IGF2BP3: variants seen among roughly 807,000 people sequenced by gnomAD.
IGF2BP3 encodes insulin like growth factor 2 mRNA binding protein 3.
Under a neutral mutation model 73.8 loss-of-function variants are expected in IGF2BP3, and 9 were observed. The observed-to-expected ratio is 0.12, with a 90% CI of 0.07 to 0.21. The LOEUF (loss-of-function observed/expected upper bound fraction) is 0.21. Ranked by LOEUF, IGF2BP3 falls within the 10% of genes least tolerant of loss-of-function variation. The pLI, the probability that IGF2BP3 is intolerant of heterozygous loss-of-function variation, is 1.00. For synonymous variants in IGF2BP3, 258 were observed against 256.7 expected (o/e 1.01, Z -0.05); for missense variants, 542 against 714.0 (o/e 0.76, Z 2.75).
Position 23,351,293 on chromosome 7 carries a change from C to G in IGF2BP3, c.683+12G>C. ...TTCTCATGAACACCCACCACACACT[C>G]AGCATACTCACTTAGACTGGGTCTG... On this transcript the variant is annotated intron_variant, in intron 6 of 14. Transcript: ENST00000258729. 2 of 1,612,906 alleles carry G rather than the reference C, an allele frequency of 1.2e-6. No individual in the cohort carries two copies. The highest frequency in any genetic ancestry group is 1.7e-6 in the Non-Finnish European group (2 of 1,179,508).
chr7:23,328,830 A>C (rs1784369909), intron 10 of IGF2BP3, among the ~76,000 whole-genome samples: 1 of 152,254 alleles, frequency 6.6e-6, no homozygotes, highest in Non-Finnish European at 1.5e-5. Flanking sequence ...CTCAAGAAGA[A>C]TGACAGAAGC....
intron 2 of IGF2BP3, among the ~76,000 whole-genome samples, chr7:23,420,652 G>A (rs962662714): frequency 6.6e-6 from 1 of 152,110 alleles, no homozygotes; most frequent in Non-Finnish European, 1.5e-5. Flanking sequence ...TTCCCCAAAA[G>A]GGTGAGAACA....
chr7:23,374,216 T>C (rs1165903453), intron 3 of IGF2BP3, among the ~76,000 whole-genome samples: 3 of 152,062 alleles, frequency 2.0e-5, no homozygotes, highest in Non-Finnish European at 2.9e-5. Context: ...AATTGAAAGG[T>C]GAAAGCAACC....
Position 23,341,971 on chromosome 7 carries a change from A to G in IGF2BP3, c.1203+93T>C, listed in dbSNP as rs1784723274. The G allele has an allele frequency of 4.5e-6, 6 of 1,326,686 alleles. 1 individual carries two copies. The highest frequency in any genetic ancestry group is 6.0e-6 in the Non-Finnish European group (6 of 999,458). The allele number at this position is 1,326,686 out of a possible 1,614,324, so 82.2% of individuals were successfully genotyped here. On this transcript the variant is annotated intron_variant, in intron 10 of 14. Transcript: ENST00000258729. ...GCTCCATTAGCAAGAACTGGAGAGC[A>G]TATGTTGGCATCTAAACAGATGATC...
intron 2 of IGF2BP3, among the ~76,000 whole-genome samples, chr7:23,420,715 G>A (rs1584023646): frequency 1.3e-5 from 2 of 152,100 alleles, no homozygotes; most frequent in Non-Finnish European, 2.9e-5. Flanking sequence ...AGAAAACCTA[G>A]ATTAACTAAA....
At chr7:23,359,657 G>A (rs780769363) in intron 5 of IGF2BP3, among the ~76,000 whole-genome samples, 10 of 151,892 alleles carry the variant, frequency 6.6e-5, no homozygotes, top group Non-Finnish European at 1.5e-4. Flanking sequence ...GACCAGCCTG[G>A]GCAACATGGT....
intron 2 of IGF2BP3, among the ~76,000 whole-genome samples, chr7:23,436,919 C>G (rs1369741611): frequency 6.6e-6 from 1 of 152,106 alleles, no homozygotes; most frequent in African/African-American, 2.4e-5. Context: ...AGTTCAAGAC[C>G]AGCCTGGCCA....
At position 23,449,396 on chromosome 7, in the gene IGF2BP3, A is replaced by G. The variant is rs181759968; in HGVS notation, c.236+19086T>C. 6.0e-3 allele frequency among the ~76,000 whole-genome samples: 907 copies of G among 152,018 alleles called. 5 individuals are homozygous for G. Among genetic ancestry groups the G allele is most frequent in the African/African-American group, 0.021 (859 of 41,498 alleles). ...GCCGGGTGTGGTGGTGGGCGTCTGT[A>G]GTTCCAGCTACTCGGAAGGCTGAGG... On this transcript the variant is annotated intron_variant, in intron 2 of 14. Transcript: ENST00000258729.
rs150613675 is a variant in IGF2BP3 at position 23,426,932 on chromosome 7, A to C, written c.237-8108T>G. ...CATAAAGAACAAGTGTCCCTCATCAAATATTTGGATGCTCTGAAGCATACT... is the reference window on the plus strand; with the variant it reads ...CATAAAGAACAAGTGTCCCTCATCACATATTTGGATGCTCTGAAGCATACT... On this transcript the variant is annotated intron_variant, in intron 2 of 14. Transcript: ENST00000258729. Among the ~76,000 whole-genome samples the C allele has an allele frequency of 6.1e-3, 922 of 152,308 alleles. 5 individuals carry two copies. Among genetic ancestry groups the C allele is most frequent in the African/African-American group, 0.021 (888 of 41,566 alleles).
At chr7:23,387,920 A>G (rs1209393019) in intron 3 of IGF2BP3, among the ~76,000 whole-genome samples, 3 of 152,102 alleles carry the variant, frequency 2.0e-5, no homozygotes, top group Non-Finnish European at 4.4e-5. Flanking sequence ...CACAACTACT[A>G]TGGAAAAGTT....
chr7:23,381,999 T>C (rs1168972858), intron 3 of IGF2BP3, among the ~76,000 whole-genome samples: 2 of 152,184 alleles, frequency 1.3e-5, no homozygotes, highest in Non-Finnish European at 2.9e-5. Context: ...CTCACACCTG[T>C]AATCCCAGCA....
chr7:23,338,671 G>A (rs911664834), intron 10 of IGF2BP3, among the ~76,000 whole-genome samples: 42 of 151,980 alleles, frequency 2.8e-4, no homozygotes, highest in African/African-American at 8.2e-4. Context: ...GAGTCATCTC[G>A]GGAGCTTTCA....
intron 3 of IGF2BP3, among the ~76,000 whole-genome samples, chr7:23,374,413 C>T (rs903420087): frequency 1.6e-4 from 25 of 152,044 alleles, no homozygotes; most frequent in Non-Finnish European, 3.1e-4. Context: ...ATCCATAATC[C>T]CAGCTCTTTG....
At chr7:23,431,191 A>G (rs1181654072) in intron 2 of IGF2BP3, 1 of 152,216 alleles carries the variant, frequency 6.6e-6, no homozygotes, top group East Asian at 1.9e-4. Flanking sequence ...TGGCTGGTAG[A>G]ATCATCTGCA....
At chr7:23,429,294 A>G (rs569870893) in intron 2 of IGF2BP3, among the ~76,000 whole-genome samples, 1 of 152,372 alleles carries the variant, frequency 6.6e-6, no homozygotes, top group Admixed American at 6.5e-5. Flanking sequence ...GACAAAAGAT[A>G]GAAATAAGAA....
At chr7:23,323,125 G>A (rs1784204251) in intron 10 of IGF2BP3, among the ~76,000 whole-genome samples, 1 of 152,042 alleles carries the variant, frequency 6.6e-6, no homozygotes, top group South Asian at 2.1e-4. Flanking sequence ...ACACAGACTG[G>A]CAAATTGGAT....
At chr7:23,409,137 G>A (rs954520471) in intron 3 of IGF2BP3, among the ~76,000 whole-genome samples, 1 of 152,176 alleles carries the variant, frequency 6.6e-6, no homozygotes, top group Non-Finnish European at 1.5e-5. Flanking sequence ...AGGAGGTGAA[G>A]CTTAGGCAGT....
rs184534009 is a variant in IGF2BP3 at position 23,381,938 on chromosome 7, G to A, written c.286-20197C>T. Among the ~76,000 whole-genome samples the A allele has an allele frequency of 2.0e-3, 297 of 152,156 alleles. 1 individual carries two copies. The highest frequency in any genetic ancestry group is 0.018 in the South Asian group (84 of 4,794). On this transcript the variant is annotated intron_variant, in intron 3 of 14. Coordinates refer to ENST00000258729, the MANE Select transcript of IGF2BP3 (RefSeq NM_006547.3). ...TTAACAGTAATCACTGGGCAAAGAT[G>A]TAACATTTGCACTGTTCATTAAAAT...
intron 3 of IGF2BP3, among the ~76,000 whole-genome samples, chr7:23,403,957 TA>T (rs1446776182): frequency 2.7e-5 from 4 of 150,064 alleles, no homozygotes; most frequent in Admixed American, 2.0e-4. Context: ...ACCCTGTTTG[TA>T]AAACAAAAAA....
Sources: gnomAD v4.1 joint callset for allele counts (sites outside exome capture counted in the v4.1 genomes callset) on GRCh38, gnomAD v4.1.1 for gene constraint, MANE v1.5 for transcripts, NCBI Gene and HGNC (gene_info 2026-07-23, HGNC 2026-07-21) for gene names.